CDKN1B: variants seen among roughly 807,000 people sequenced by gnomAD.
CDKN1B encodes cyclin-dependent kinase inhibitor 1B.
CDKN1B carries 7 observed loss-of-function variants against 17.1 expected under a neutral mutation model. That is an observed-to-expected ratio of 0.41 (90% CI 0.23 to 0.77). The LOEUF (loss-of-function observed/expected upper bound fraction) is 0.77. Ranked by LOEUF, CDKN1B falls within the 30% of genes least tolerant of loss-of-function variation. The pLI, the probability that CDKN1B is intolerant of heterozygous loss-of-function variation, is 0.33. For missense variants in CDKN1B, 337 were observed against 262.0 expected (o/e 1.29, Z -1.98); for synonymous variants, 149 against 104.3 (o/e 1.43, Z -2.61).
chr12:12,718,064 G>A lies in CDKN1B; in HGVS notation c.225G>A (p.Glu75=). 1.2e-6 allele frequency: 2 copies of A among 1,614,252 alleles called. No individual in the cohort carries two copies. Among genetic ancestry groups the A allele is most frequent in the Non-Finnish European group, 1.7e-6 (2 of 1,180,046 alleles). Residue 75 remains glutamate, a synonymous_variant, in exon 1 of 3, where the codon GAG becomes GAA. Transcript: ENST00000228872. ...QNHKPLEGKY[E]WQEVEKGSLP... Reference sequence around the variant, plus strand: ...ACAAACCCCTAGAGGGCAAGTACGAGTGGCAAGAGGTGGAGAAGGGCAGCT... The same window carrying A: ...ACAAACCCCTAGAGGGCAAGTACGAATGGCAAGAGGTGGAGAAGGGCAGCT...
rs1316783831 is a variant in CDKN1B, at chr12:12,721,243, A to G, written c.*216A>G. On this transcript the variant is annotated 3_prime_UTR_variant, in exon 3 of 3. Transcript: ENST00000228872. ...AAAGCGTTGGATGTAGCATTATGCA[A>G]TTAGGTTTTTCCTTATTTGCTTCAT... is the stretch of plus-strand genomic sequence containing the variant. The G allele has an allele frequency of 1.9e-6, 1 of 515,666 alleles. No individual in the cohort carries two copies. Among genetic ancestry groups the G allele is most frequent in the Non-Finnish European group, 3.8e-6 (1 of 264,452 alleles). The allele number at this position is 515,666 out of a possible 1,614,324, so 31.9% of individuals were successfully genotyped here.
At position 12,718,885 on chromosome 12, in the gene CDKN1B, C is replaced by T. The variant is rs745415005; in HGVS notation, c.536C>T (p.Pro179Leu). ...GAAGAAAATGTTTCAGACGGTTCCC[C>T]AAATGCCGGTTCTGTGGAGCAGACG... ...RTEENVSDGS[P>L]NAGSVEQTPK... Residue 179 changes from proline (P) to leucine (L), a missense_variant, in exon 2 of 3, where the codon CCA (proline) becomes CTA (leucine). Coordinates refer to ENST00000228872, the MANE Select transcript of CDKN1B (RefSeq NM_004064.5). The T allele has an allele frequency of 1.2e-6, 2 of 1,614,138 alleles. No individual in the cohort carries two copies. Among genetic ancestry groups the T allele is most frequent in the Non-Finnish European group, 8.5e-7 (1 of 1,180,032 alleles).
chr12:12,720,093 G>C (rs1322841540), intron 2 of CDKN1B, among the ~76,000 whole-genome samples: 1 of 152,110 alleles, frequency 6.6e-6, no homozygotes, highest in Non-Finnish European at 1.5e-5. Context: ...ATCTTTTTCA[G>C]CGCTTATACA....
Position 12,717,771 on chromosome 12 carries a change from C to A in CDKN1B, c.-69C>A. The A allele has an allele frequency of 6.2e-7, 1 of 1,604,818 alleles. No homozygotes were observed. The highest frequency in any genetic ancestry group is 8.5e-7 in the Non-Finnish European group (1 of 1,179,654). On this transcript the variant is annotated 5_prime_UTR_variant, in exon 1 of 3. Transcript: ENST00000228872. ...GAGAGGGGTTCGGGCTGCGTAGGGG[C>A]GCTTTGTTTTGTTCGGTTTTGTTTT... is the stretch of plus-strand genomic sequence containing the variant.
Position 12,721,724 on chromosome 12 carries a change from G to C in CDKN1B, c.*697G>C, listed in dbSNP as rs1202682861. On this transcript the variant is annotated 3_prime_UTR_variant, in exon 3 of 3. Coordinates refer to ENST00000228872, the MANE Select transcript of CDKN1B (RefSeq NM_004064.5). Reference sequence around the variant, plus strand: ...CCAGTTAATTACTCAGCAGAATGGTGATCACTCCAGGTAGTTTGGGGCAAA... The same window carrying C: ...CCAGTTAATTACTCAGCAGAATGGTCATCACTCCAGGTAGTTTGGGGCAAA... The C allele has an allele frequency of 6.6e-6, 1 of 152,196 alleles. No homozygotes were observed. Among genetic ancestry groups the C allele is most frequent in the East Asian group, 1.9e-4 (1 of 5,196 alleles). 9.4% of individuals were successfully genotyped at this position (152,196 alleles called of 1,614,324 possible). A position where few individuals can be genotyped will look rare whatever the true frequency, so the allele number is the denominator to read the frequency against.
rs752620765 is a variant in CDKN1B, at chr12:12,718,248, C to T, written c.409C>T (p.Pro137Ser). 2 of 1,611,226 alleles carry T rather than the reference C, an allele frequency of 1.2e-6. No homozygotes were observed. The highest frequency in any genetic ancestry group is 1.3e-5 in the African/African-American group (1 of 74,932). Residue 137 changes from proline to serine, a missense_variant, in exon 1 of 3, where the codon CCG becomes TCG. Transcript: ENST00000228872. ...DTHLVDPKTD[P>S]SDSQTGLAEQ... ...GCATTTGGTGGACCCAAAGACTGAT[C>T]CGTCGGACAGCCAGACGGGGTTAGC...
chr12:12,720,431 TC>T (rs1239098374), intron 2 of CDKN1B, among the ~76,000 whole-genome samples: 1 of 152,232 alleles, frequency 6.6e-6, no homozygotes. Flanking sequence ...AAAATTTTCC[TC>T]TGGAAGGCCT....
In CDKN1B at chr12:12,721,027, C is replaced by T; in HGVS notation, c.*9-9C>T. ...TCCTTTAATTCTTCCGTTTTGTTTT[C>T]TTTTGCAGAATTAAGAATATGTTTC... On this transcript the variant is annotated splice_polypyrimidine_tract_variant and intron_variant, in intron 2 of 2. Coordinates refer to ENST00000228872, the MANE Select transcript of CDKN1B (RefSeq NM_004064.5). The T allele has an allele frequency of 1.5e-6, 1 of 681,156 alleles. No individual in the cohort carries two copies. Among genetic ancestry groups the T allele is most frequent in the African/African-American group, 1.8e-5 (1 of 56,054 alleles). The allele number at this position is 681,156 out of a possible 1,614,324, so 42.2% of individuals were successfully genotyped here. A position where few individuals can be genotyped will look rare whatever the true frequency, so the allele number is the denominator to read the frequency against.
rs1316168899 is a variant in CDKN1B, at chr12:12,722,039, C to T, written c.*1012C>T. Reference sequence around the variant, plus strand: ...TGTAGGATAAGTGAAATGGATACTACATCTTTAAACAGTATTTCATTGCCT... The same window carrying T: ...TGTAGGATAAGTGAAATGGATACTATATCTTTAAACAGTATTTCATTGCCT... On this transcript the variant is annotated 3_prime_UTR_variant, in exon 3 of 3. Transcript: ENST00000228872. The T allele has an allele frequency of 6.6e-6, 1 of 152,246 alleles. No individual in the cohort carries two copies. The highest frequency in any genetic ancestry group is 2.4e-5 in the African/African-American group (1 of 41,462). The allele number at this position is 152,246 out of a possible 1,614,324, so 9.4% of individuals were successfully genotyped here. A position where few individuals can be genotyped will look rare whatever the true frequency, so the allele number is the denominator to read the frequency against.
intron 2 of CDKN1B, among the ~76,000 whole-genome samples, chr12:12,719,927 CTTTA>C (rs1475309087): frequency 6.6e-6 from 1 of 152,192 alleles, no homozygotes; most frequent in Non-Finnish European, 1.5e-5. Context: ...ACTGTGACCT[CTTTA>C]TTTTCTAAAG....
At chr12:12,720,500 G>GA (rs1424585963) in intron 2 of CDKN1B, among the ~76,000 whole-genome samples, 2 of 151,610 alleles carry the variant, frequency 1.3e-5, no homozygotes, top group African/African-American at 4.8e-5. Flanking sequence ...TGTCACAGGA[G>GA]AAAAAAAATT....
In CDKN1B at chr12:12,721,480, A is replaced by G. The variant is rs139019732; in HGVS notation, c.*453A>G. ...TCTTTAAAGATGTAATGTCCCTTTC[A>G]GAGACAGCTGATACTTCATTTAAAA... On this transcript the variant is annotated 3_prime_UTR_variant, in exon 3 of 3. Transcript: ENST00000228872. The G allele has an allele frequency of 7.0e-6, 2 of 287,242 alleles. No homozygotes were observed. The highest frequency in any genetic ancestry group is 1.1e-4 in the East Asian group (2 of 17,444). The allele number at this position is 287,242 out of a possible 1,614,324, so 17.8% of individuals were successfully genotyped here.
Position 12,721,528 on chromosome 12 carries a change from G to A in CDKN1B, c.*501G>A, listed in dbSNP as rs4251697. The A allele has an allele frequency of 8.3e-3, 1,712 of 206,916 alleles. 81 individuals are homozygous for A. The East Asian group carries it at 0.11, about 14-fold the overall frequency. The allele number at this position is 206,916 out of a possible 1,614,324, so 12.8% of individuals were successfully genotyped here. On this transcript the variant is annotated 3_prime_UTR_variant, in exon 3 of 3. Transcript: ENST00000228872. ...AAAAAATCACAAAAATTTGAACACT[G>A]GCTAAAGATAATTGCTATTTATTTT...
In CDKN1B at chr12:12,718,178, C is replaced by T. The variant is rs750028183; in HGVS notation, c.339C>T (p.Arg113=). 2.5e-6 allele frequency: 4 copies of T among 1,613,154 alleles called. No homozygotes were observed. The highest frequency in any genetic ancestry group is 2.2e-5 in the South Asian group (2 of 91,080). ...AGAGCCAGGATGTCAGCGGGAGCCG[C>T]CCGGCGGCGCCTTTAATTGGGGCTC... is the stretch of plus-strand genomic sequence containing the variant. The part of the protein sequence containing the change: ...AQESQDVSGS[R]PAAPLIGAPA... Residue 113 remains arginine, a synonymous_variant, in exon 1 of 3, where the codon CGC becomes CGT. Coordinates refer to ENST00000228872, the MANE Select transcript of CDKN1B (RefSeq NM_004064.5).
chr12:12,717,621 T>C lies in CDKN1B; in HGVS notation c.-219T>C. 6.9e-7 allele frequency: 1 copy of C among 1,448,058 alleles called. No homozygotes were observed. The highest frequency in any genetic ancestry group is 9.0e-7 in the Non-Finnish European group (1 of 1,108,210). The allele number at this position is 1,448,058 out of a possible 1,614,324, so 89.7% of individuals were successfully genotyped here. A position where few individuals can be genotyped will look rare whatever the true frequency, so the allele number is the denominator to read the frequency against. On this transcript the variant is annotated 5_prime_UTR_variant, in exon 1 of 3. Transcript: ENST00000228872. Reference sequence around the variant, plus strand: ...CTCCGCCCTCCCGCTCGCCAGTCCATTTGATCAGCGGAGACTCGGCGGCCG... The same window carrying C: ...CTCCGCCCTCCCGCTCGCCAGTCCACTTGATCAGCGGAGACTCGGCGGCCG...
chr12:12,718,995 C>A (rs1434636823), intron 2 of CDKN1B, 41 bp downstream of exon 2: 1 of 1,611,000 alleles, frequency 6.2e-7, no homozygotes, highest in Non-Finnish European at 8.5e-7. Context: ...GAACCCGGGG[C>A]CTTCAGACCT....
At position 12,718,143 on chromosome 12, in the gene CDKN1B, C is replaced by G. The variant is rs1249627522; in HGVS notation, c.304C>G (p.Pro102Ala). 3.7e-6 allele frequency: 6 copies of G among 1,613,982 alleles called. No homozygotes were observed. The highest frequency in any genetic ancestry group is 5.1e-6 in the Non-Finnish European group (6 of 1,180,020). The change falls in exon 1 of 3, where the codon CCG becomes GCG. Residue 102 changes from proline (P) to alanine (A), a missense_variant. Coordinates refer to ENST00000228872, the MANE Select transcript of CDKN1B (RefSeq NM_004064.5). ...PRPPKGACKVPAQESQDVSGS... is the reference protein window; with the variant it reads ...PRPPKGACKVAAQESQDVSGS... ...GCCCCCCAAAGGTGCCTGCAAGGTG[C>G]CGGCGCAGGAGAGCCAGGATGTCAG...
chr12:12,718,733 TTC>T, intron 1 of CDKN1B, 90 bp from the exon 2 acceptor site: 1 of 1,491,548 alleles, frequency 6.7e-7, no homozygotes, highest in Non-Finnish European at 9.3e-7. Flanking sequence ...TAGTGGGTTT[TTC>T]ATCCCCTGAC....
chr12:12,717,722 T>C lies in CDKN1B; in HGVS notation c.-118T>C. The C allele has an allele frequency of 6.4e-7, 1 of 1,566,460 alleles. No homozygotes were observed. Among genetic ancestry groups the C allele is most frequent in the Non-Finnish European group, 8.6e-7 (1 of 1,165,714 alleles). Reference sequence around the variant, plus strand: ...CTCGTCGGGGTCTGTGTCTTTTGGCTCCGAGGGCAGTCGCTGGGCTTCCGA... The same window carrying C: ...CTCGTCGGGGTCTGTGTCTTTTGGCCCCGAGGGCAGTCGCTGGGCTTCCGA... On this transcript the variant is annotated 5_prime_UTR_variant, in exon 1 of 3. Transcript: ENST00000228872.
Sources: allele counts gnomAD v4.1 joint callset (sites outside exome capture counted in the v4.1 genomes callset), GRCh38; gene constraint gnomAD v4.1.1; transcripts MANE v1.5; gene names NCBI Gene and HGNC (gene_info 2026-07-23, HGNC 2026-07-21).